The following GRM7 variants were observed in gnomAD, a reference collection of about 807,000 sequenced individuals.
GRM7 encodes metabotropic glutamate receptor 7.
A neutral mutation model predicts 84.5 loss-of-function variants in GRM7; 35 were observed. The ratio of observed to expected loss-of-function variants is 0.41; its 90% CI spans 0.32 to 0.55. The LOEUF is 0.55. Ranked by LOEUF, GRM7 falls within the 20% of genes least tolerant of loss-of-function variation. The pLI is 0.19. For missense variants in GRM7, 1,003 were observed against 1,194.6 expected, an observed-to-expected ratio of 0.84 and a Z score of 2.36; for synonymous variants, 487 against 455.1, an observed-to-expected ratio of 1.07 and a Z score of -0.89.
At chr3:7,696,166 T>C (rs891721703) in intron 9 of GRM7, among the ~76,000 whole-genome samples, 4 of 152,198 alleles carry the variant, frequency 2.6e-5, no homozygotes, top group Admixed American at 2.6e-4. Context: ...GAATTGTCTA[T>C]AGGTCTCTCA....
intron 4 of GRM7, among the ~76,000 whole-genome samples, chr3:7,402,605 G>T (rs763415349): frequency 5.3e-5 from 8 of 152,026 alleles, no homozygotes; most frequent in Admixed American, 2.6e-4. Flanking sequence ...TAGAACGTTG[G>T]ACAGTTCTTC....
chr3:7,214,722 C>T (rs980587074), intron 2 of GRM7, among the ~76,000 whole-genome samples: 2 of 152,118 alleles, frequency 1.3e-5, no homozygotes, highest in African/African-American at 2.4e-5. Context: ...AAGGAAAATG[C>T]TGGCAGGTTT....
chr3:7,131,808 A>C (rs1305839436), intron 1 of GRM7, among the ~76,000 whole-genome samples: 1 of 152,134 alleles, frequency 6.6e-6, no homozygotes, highest in African/African-American at 2.4e-5. Flanking sequence ...TTATTAGTCC[A>C]GAAAAGTAAT....
intron 1 of GRM7, among the ~76,000 whole-genome samples, chr3:7,133,799 A>T (rs529915721): frequency 9.5e-4 from 145 of 152,302 alleles, no homozygotes; most frequent in African/African-American, 3.2e-3. Context: ...GACAATTAAG[A>T]TTAGGAAGGA....
intron 5 of GRM7, among the ~76,000 whole-genome samples, chr3:7,420,392 A>G (rs1696346390): frequency 6.6e-6 from 1 of 152,204 alleles, no homozygotes; most frequent in Non-Finnish European, 1.5e-5. Flanking sequence ...GGAATCCACA[A>G]CAAAATGTTA....
intron 9 of GRM7, among the ~76,000 whole-genome samples, chr3:7,696,461 T>G (rs1482332918): frequency 6.6e-6 from 1 of 152,138 alleles, no homozygotes; most frequent in African/African-American, 2.4e-5. Context: ...GAGGATGGTT[T>G]TCTTAGTCAC....
In GRM7 at chr3:7,461,604, T is replaced by C; in HGVS notation, c.1397T>C (p.Met466Thr). Residue 466 changes from methionine to threonine, a missense_variant, in exon 7 of 10, where the codon ATG (methionine) becomes ACG (threonine). Coordinates refer to ENST00000357716, the MANE Select transcript of GRM7 (RefSeq NM_000844.4). The stretch of plus-strand genomic sequence containing the variant: ...TTAGGTAGTGCTGGCACTCCAGTGA[T>C]GTTTAACAAGAACGGGGATGCACCT... Reference protein sequence around the residue: ...NFNGSAGTPVMFNKNGDAPGR... With the variant: ...NFNGSAGTPVTFNKNGDAPGR... 3 of 1,613,090 alleles carry C rather than the reference T, an allele frequency of 1.9e-6. No homozygotes were observed. The highest frequency in any genetic ancestry group is 2.5e-6 in the Non-Finnish European group (3 of 1,179,082).
intron 4 of GRM7, among the ~76,000 whole-genome samples, chr3:7,333,350 T>A (rs1481413760): frequency 6.6e-6 from 1 of 152,168 alleles, no homozygotes; most frequent in East Asian, 1.9e-4. Flanking sequence ...CAGAGCCCGG[T>A]AGCCCCACTG....
At chr3:7,318,097 T>G (rs761815509) in intron 4 of GRM7, among the ~76,000 whole-genome samples, 12 of 152,116 alleles carry the variant, frequency 7.9e-5, no homozygotes, top group Non-Finnish European at 1.6e-4. Flanking sequence ...GTCTTAACAT[T>G]TTGAAACGTC....
At chr3:7,101,721 T>C (rs2125022418) in intron 1 of GRM7, among the ~76,000 whole-genome samples, 1 of 149,730 alleles carries the variant, frequency 6.7e-6, no homozygotes, top group East Asian at 2.0e-4. Flanking sequence ...AGTTTTTGCT[T>C]TATATATCTA....
chr3:7,457,155 T>G (rs1216495781), intron 6 of GRM7, among the ~76,000 whole-genome samples: 2 of 152,172 alleles, frequency 1.3e-5, no homozygotes, highest in African/African-American at 4.8e-5. Flanking sequence ...ACTGTTACAT[T>G]AGTACAAAAT....
chr3:7,400,215 G>A (rs1395452299), intron 4 of GRM7, among the ~76,000 whole-genome samples: 1 of 152,096 alleles, frequency 6.6e-6, no homozygotes, highest in Admixed American at 6.6e-5. Flanking sequence ...ATTCATCTAA[G>A]CATGGACATG....
At chr3:7,547,498 A>G (rs1474792477) in intron 7 of GRM7, among the ~76,000 whole-genome samples, 1 of 152,124 alleles carries the variant, frequency 6.6e-6, no homozygotes, top group African/African-American at 2.4e-5. Context: ...GGGCCACCGC[A>G]AGGCCAAGAG....
intron 5 of GRM7, among the ~76,000 whole-genome samples, chr3:7,434,632 G>A (rs1004525253): frequency 2.6e-5 from 4 of 152,068 alleles, no homozygotes; most frequent in African/African-American, 9.7e-5. Context: ...GCAGTCCTAG[G>A]ATAAACCATA....
intron 9 of GRM7, among the ~76,000 whole-genome samples, chr3:7,725,122 G>T (rs1317790971): frequency 1.3e-5 from 2 of 152,048 alleles, no homozygotes; most frequent in African/African-American, 4.8e-5. Flanking sequence ...TAAACAAATT[G>T]GAACACTTCG....
intron 2 of GRM7, among the ~76,000 whole-genome samples, chr3:7,153,836 GT>G (rs1469136699): frequency 6.6e-6 from 1 of 151,932 alleles, no homozygotes; most frequent in Non-Finnish European, 1.5e-5. Context: ...AAACCCCTCT[GT>G]TTTCAAAGAG....
chr3:7,432,494 G>A (rs1049193948), intron 5 of GRM7, among the ~76,000 whole-genome samples: 7 of 152,030 alleles, frequency 4.6e-5, no homozygotes, highest in African/African-American at 1.7e-4. Flanking sequence ...CTAACTTTTT[G>A]TATTTTTAGT....
intron 1 of GRM7, among the ~76,000 whole-genome samples, chr3:6,993,313 C>A (rs907518743): frequency 3.9e-5 from 6 of 152,106 alleles, no homozygotes; most frequent in African/African-American, 1.4e-4. Context: ...GGGGACACAG[C>A]CAAACCATAT....
intron 7 of GRM7, among the ~76,000 whole-genome samples, chr3:7,490,031 C>T (rs913062248): frequency 2.0e-5 from 3 of 151,744 alleles, no homozygotes; most frequent in Non-Finnish European, 2.9e-5. Context: ...CAAAAATATG[C>T]TGAAATCCAT....
Sources: gnomAD v4.1 joint callset for allele counts (sites outside exome capture counted in the v4.1 genomes callset) on GRCh38, gnomAD v4.1.1 for gene constraint, MANE v1.5 for transcripts, NCBI Gene and HGNC (gene_info 2026-07-23, HGNC 2026-07-21) for gene names.